The following EBF2 variants were observed in gnomAD, a reference collection of about 807,000 sequenced individuals.
The protein encoded by EBF2 is EBF transcription factor 2, also known as transcription factor COE2.
EBF2 carries 21 observed loss-of-function variants against 72.8 expected under a neutral mutation model. The ratio of observed to expected loss-of-function variants is 0.29; its 90% CI spans 0.20 to 0.42. EBF2 has a LOEUF of 0.42. Ranked by LOEUF, EBF2 falls within the 10% of genes least tolerant of loss-of-function variation. The pLI is 1.00. For missense variants in EBF2, 637 were observed against 731.2 expected, an observed-to-expected ratio of 0.87 and a Z score of 1.49; for synonymous variants, 299 against 274.2, an observed-to-expected ratio of 1.09 and a Z score of -0.89.
At chr8:25,886,912 A>G (rs1216171429) in intron 9 of EBF2, 31 bp from the exon 10 acceptor site, 3 of 1,605,692 alleles carry the variant, frequency 1.9e-6, no homozygotes, top group Non-Finnish European at 2.6e-6. Flanking sequence ...GAAATAAAAT[A>G]CCCATTAGAC....
intron 6 of EBF2, among the ~76,000 whole-genome samples, chr8:25,986,020 A>AAAAAAAAAAAAAAAAAAAAAC (rs1563200314): frequency 1.3e-5 from 2 of 149,710 alleles, no homozygotes; most frequent in Non-Finnish European, 3.0e-5. Flanking sequence ...AAAAAAAAAA[A>AAAAAAAAAAAAAAAAAAAAAC]AAAAAGTACA....
rs544580623 is a variant in EBF2 at position 25,882,011 on chromosome 8, T to A, written c.1009+4744A>T. ...ACTCATTCTCCAAGCCCAGGTGTGA[T>A]CCAATTCTTCTGGTACACCAAAGCA... On this transcript the variant is annotated intron_variant, in intron 10 of 15. Transcript: ENST00000520164. Among the ~76,000 whole-genome samples, 6 of 152,292 alleles carry A rather than the reference T, an allele frequency of 3.9e-5. No homozygotes were observed. In the South Asian group the frequency reaches 1.2e-3, roughly 32 times the overall value.
chr8:25,907,038 T>G (rs1392435087), intron 7 of EBF2, among the ~76,000 whole-genome samples: 1 of 152,138 alleles, frequency 6.6e-6, no homozygotes, highest in East Asian at 1.9e-4. Flanking sequence ...TCTGTCTGAT[T>G]GTGGCCTAAC....
At chr8:25,890,818 A>G (rs116190786) in intron 7 of EBF2, among the ~76,000 whole-genome samples, 78 of 152,332 alleles carry the variant, frequency 5.1e-4, no homozygotes, top group African/African-American at 1.8e-3. Flanking sequence ...TACAGAATGC[A>G]AATATTCCAA....
chr8:25,941,465 C>G (rs1803668326), intron 6 of EBF2, among the ~76,000 whole-genome samples: 1 of 152,314 alleles, frequency 6.6e-6, no homozygotes, highest in East Asian at 1.9e-4. Context: ...CTCGGCCTCC[C>G]AAAGCGCTGC....
chr8:25,992,375 G>C (rs1563201896), intron 6 of EBF2, among the ~76,000 whole-genome samples: 1 of 145,298 alleles, frequency 6.9e-6, no homozygotes, highest in African/African-American at 2.5e-5. Flanking sequence ...GCAGTGTATA[G>C]GCCAAGACCA....
At position 26,014,006 on chromosome 8, in the gene EBF2, C is replaced by T. The variant is rs187268932; in HGVS notation, c.551+19079G>A. The stretch of plus-strand genomic sequence containing the variant: ...CTCTTCCAAAAGAGTCCAAAGCCCT[C>T]GTCTGTTTCCAACAATTATCAACTC... On this transcript the variant is annotated intron_variant, in intron 6 of 15. Transcript: ENST00000520164. 4.1e-4 allele frequency among the ~76,000 whole-genome samples: 62 copies of T among 152,294 alleles called. 1 individual carries two copies. In the East Asian group the frequency reaches 0.011, roughly 27 times the overall value.
chr8:25,907,749 G>A (rs1325913324), intron 7 of EBF2, among the ~76,000 whole-genome samples: 1 of 152,248 alleles, frequency 6.6e-6, no homozygotes, highest in East Asian at 1.9e-4. Context: ...TTTTTCTATG[G>A]AAAAGGAGGT....
intron 6 of EBF2, among the ~76,000 whole-genome samples, chr8:26,021,961 C>G (rs188295295): frequency 6.6e-6 from 1 of 152,158 alleles, no homozygotes; most frequent in Non-Finnish European, 1.5e-5. Flanking sequence ...TGAGAGAATA[C>G]TTTTTGCATG....
chr8:25,908,573 T>G lies in EBF2; in HGVS notation c.552-18A>C. 1 of 1,512,228 alleles carries G rather than the reference T, an allele frequency of 6.6e-7. No individual in the cohort carries two copies. Among genetic ancestry groups the G allele is most frequent in the Non-Finnish European group, 9.1e-7 (1 of 1,103,590 alleles). The allele number at this position is 1,512,228 out of a possible 1,614,324, so 93.7% of individuals were successfully genotyped here. On this transcript the variant is annotated intron_variant, in intron 6 of 15. Coordinates refer to ENST00000520164, the MANE Select transcript of EBF2 (RefSeq NM_022659.4). ...AAAAGAATCTGTGAAGAGAAAGCGA[T>G]GTGTTACATTTTTCAGTAAACATTT... is the stretch of plus-strand genomic sequence containing the variant.
At chr8:25,860,976 T>A (rs1802202129) in intron 13 of EBF2, 73 bp downstream of exon 13, 1 of 1,568,208 alleles carries the variant, frequency 6.4e-7, no homozygotes, top group Admixed American at 1.7e-5. Flanking sequence ...TGACCCAACC[T>A]CTGACTCTGT....
intron 5 of EBF2, 78 bp downstream of exon 5, chr8:26,039,950 C>T: frequency 6.6e-7 from 1 of 1,526,240 alleles, no homozygotes; most frequent in Non-Finnish European, 9.1e-7. Context: ...AAAGTTAGTC[C>T]CGGGAACGCG....
intron 6 of EBF2, among the ~76,000 whole-genome samples, chr8:25,970,357 G>A (rs576088453): frequency 2.7e-4 from 41 of 152,116 alleles, no homozygotes; most frequent in Non-Finnish European, 4.6e-4. Flanking sequence ...TGTCGGTCTC[G>A]GAGCCTGGCG....
At chr8:26,040,204 C>A in intron 4 of EBF2, 103 bp from the exon 5 acceptor site, 1 of 1,234,670 alleles carries the variant, frequency 8.1e-7, no homozygotes. Context: ...CCTCCCACTA[C>A]CTGCCACCGC....
intron 6 of EBF2, among the ~76,000 whole-genome samples, chr8:25,992,675 G>A (rs922016600): frequency 6.6e-6 from 1 of 151,882 alleles, no homozygotes; most frequent in South Asian, 2.1e-4. Context: ...GGCCAAGGCA[G>A]GCAAATTGCT....
chr8:25,940,743 C>A (rs1478602866), intron 6 of EBF2, among the ~76,000 whole-genome samples: 1 of 151,932 alleles, frequency 6.6e-6, no homozygotes, highest in Non-Finnish European at 1.5e-5. Context: ...AATAGGCAAC[C>A]CACCCACTTG....
At chr8:25,894,985 T>C (rs1197695841) in intron 7 of EBF2, among the ~76,000 whole-genome samples, 2 of 152,192 alleles carry the variant, frequency 1.3e-5, no homozygotes, top group Admixed American at 6.5e-5. Context: ...ATAACGTGTC[T>C]TTTCTAAGGC....
At chr8:25,926,234 G>A (rs944036331) in intron 6 of EBF2, among the ~76,000 whole-genome samples, 1 of 152,132 alleles carries the variant, frequency 6.6e-6, no homozygotes, top group Admixed American at 6.5e-5. Context: ...TGGCCTGGTT[G>A]AGAAGTCGAG....
At chr8:25,845,646 A>G (rs17054447) in intron 15 of EBF2, among the ~76,000 whole-genome samples, 8,162 of 152,278 alleles carry the variant, frequency 0.054, 763 homozygotes, top group African/African-American at 0.18. Context: ...GGGTTTCCCT[A>G]GATGTGGCAA....
Sources: gnomAD v4.1 joint callset for allele counts (sites outside exome capture counted in the v4.1 genomes callset) on GRCh38, gnomAD v4.1.1 for gene constraint, MANE v1.5 for transcripts, NCBI Gene and HGNC (gene_info 2026-07-23, HGNC 2026-07-21) for gene names.